The following LDLRAD3 variants were observed in gnomAD, a reference collection of about 807,000 sequenced individuals.
LDLRAD3 encodes the protein low-density lipoprotein receptor class A domain-containing protein 3.
A neutral mutation model predicts 29.4 loss-of-function variants in LDLRAD3; 20 were observed. The ratio of observed to expected loss-of-function variants is 0.68; its 90% CI spans 0.48 to 0.99. LDLRAD3 has a LOEUF of 0.99. LDLRAD3 is among the 50% of genes least tolerant of loss of function. The pLI, the probability that LDLRAD3 is intolerant of heterozygous loss-of-function variation, is 0.00. For synonymous variants in LDLRAD3, 157 were observed against 192.7 expected, an observed-to-expected ratio of 0.81 and a Z score of 1.53; for missense variants, 420 against 454.3, an observed-to-expected ratio of 0.92 and a Z score of 0.69.
At position 36,230,971 on chromosome 11, in the gene LDLRAD3, G is replaced by GTTTTTCTTTTTTT. The variant is rs1198671764; in HGVS notation, c.*1575_*1576insTTTTCTTTTTTTT. 6 of 152,196 alleles carry GTTTTTCTTTTTTT rather than the reference G, an allele frequency of 3.9e-5. No homozygotes were observed. The highest frequency in any genetic ancestry group is 1.5e-4 in the African/African-American group (6 of 41,338). 9.4% of individuals were successfully genotyped at this position (152,196 alleles called of 1,614,324 possible). A position where few individuals can be genotyped will look rare whatever the true frequency, so the allele number is the denominator to read the frequency against. On this transcript the variant is annotated 3_prime_UTR_variant, in exon 6 of 6. Coordinates refer to ENST00000315571, the MANE Select transcript of LDLRAD3 (RefSeq NM_174902.4). ...GCTAGTTTTTCTTTTTTTTCTCTGT[G>GTTTTTCTTTTTTT]TCCAGTCAGCCACAGGGCCCGCCTC...
chr11:36,176,100 T>C (rs1228777291), intron 4 of LDLRAD3, among the ~76,000 whole-genome samples: 1 of 152,216 alleles, frequency 6.6e-6, no homozygotes, highest in Non-Finnish European at 1.5e-5. Context: ...TTAAAGTCTG[T>C]TTTGTCTATA....
In LDLRAD3 at chr11:36,231,454, C is replaced by T. The variant is rs1255698868; in HGVS notation, c.*2057C>T. On this transcript the variant is annotated 3_prime_UTR_variant, in exon 6 of 6. Transcript: ENST00000315571. The stretch of plus-strand genomic sequence containing the variant: ...GAACTCTGGCTGAACATTTCATCTC[C>T]TGTGAGTCAGAAGGGCTTTATTTCT... 1 of 152,164 alleles carries T rather than the reference C, an allele frequency of 6.6e-6. No individual in the cohort carries two copies. The highest frequency in any genetic ancestry group is 1.5e-5 in the Non-Finnish European group (1 of 68,030). 9.4% of individuals were successfully genotyped at this position (152,164 alleles called of 1,614,324 possible).
chr11:36,006,068 C>T (rs1038570900), intron 1 of LDLRAD3, among the ~76,000 whole-genome samples: 4 of 152,222 alleles, frequency 2.6e-5, no homozygotes, highest in African/African-American at 4.8e-5. Flanking sequence ...ACAAAAACTG[C>T]GCCCTTGCCC....
chr11:36,101,223 GTGCC>G (rs1853442294), intron 4 of LDLRAD3, among the ~76,000 whole-genome samples: 2 of 152,134 alleles, frequency 1.3e-5, no homozygotes, highest in Admixed American at 6.5e-5. Flanking sequence ...ACCCCACAAG[GTGCC>G]CACTTGTGGA....
At chr11:36,080,551 C>T (rs1231530190) in intron 2 of LDLRAD3, among the ~76,000 whole-genome samples, 2 of 152,114 alleles carry the variant, frequency 1.3e-5, no homozygotes, top group Non-Finnish European at 2.9e-5. Context: ...GCTGTGTGAC[C>T]TTGGGCAAGT....
At chr11:36,188,781 A>G (rs1027924871) in intron 4 of LDLRAD3, among the ~76,000 whole-genome samples, 2 of 152,186 alleles carry the variant, frequency 1.3e-5, no homozygotes, top group African/African-American at 2.4e-5. Flanking sequence ...GCATAAGTCA[A>G]CATAATGAAC....
intron 1 of LDLRAD3, among the ~76,000 whole-genome samples, chr11:35,995,351 A>G (rs549209470): frequency 5.9e-5 from 9 of 152,328 alleles, no homozygotes; most frequent in African/African-American, 2.2e-4. Context: ...AATATTTTGA[A>G]AGGAATCTTT....
chr11:36,083,732 A>G (rs1853151333), intron 3 of LDLRAD3, among the ~76,000 whole-genome samples: 1 of 119,728 alleles, frequency 8.4e-6, no homozygotes, highest in African/African-American at 3.4e-5. Context: ...CTAAGGGAGA[A>G]ATTACACACA....
At position 36,033,954 on chromosome 11, in the gene LDLRAD3, A is replaced by G. The variant is rs78096693; in HGVS notation, c.47-2149A>G. 5.7e-4 allele frequency among the ~76,000 whole-genome samples: 87 copies of G among 152,322 alleles called. 1 individual carries two copies. In the East Asian group the frequency reaches 0.013, roughly 22 times the overall value. On this transcript the variant is annotated intron_variant, in intron 1 of 5. Transcript: ENST00000315571. ...GCAGCAGAATAGGAGAAATAGTAGC[A>G]TAATACCTTTGCATTTCCTAACAAT...
intron 4 of LDLRAD3, among the ~76,000 whole-genome samples, chr11:36,145,644 CA>C (rs1854179982): frequency 6.6e-6 from 1 of 151,436 alleles, no homozygotes; most frequent in Non-Finnish European, 1.5e-5. Flanking sequence ...GGAGACTTTT[CA>C]TTTTGTTCTG....
intron 4 of LDLRAD3, among the ~76,000 whole-genome samples, chr11:36,134,785 G>C (rs1243387007): frequency 6.6e-6 from 1 of 152,186 alleles, no homozygotes; most frequent in Non-Finnish European, 1.5e-5. Flanking sequence ...CCCTCTTGCT[G>C]GGAAGTCTGT....
At chr11:36,053,239 T>C (rs1852554235) in intron 2 of LDLRAD3, among the ~76,000 whole-genome samples, 1 of 152,162 alleles carries the variant, frequency 6.6e-6, no homozygotes, top group Admixed American at 6.5e-5. Flanking sequence ...AGCAGCCTTT[T>C]TTTTCTTTCT....
intron 4 of LDLRAD3, among the ~76,000 whole-genome samples, chr11:36,214,257 G>A (rs1474773707): frequency 1.3e-5 from 2 of 152,150 alleles, no homozygotes; most frequent in African/African-American, 4.8e-5. Flanking sequence ...TTGACCCTTG[G>A]CAAATAAGAA....
At chr11:36,019,159 G>A (rs144708200) in intron 1 of LDLRAD3, among the ~76,000 whole-genome samples, 123 of 152,262 alleles carry the variant, frequency 8.1e-4, no homozygotes, top group African/African-American at 2.6e-3. Context: ...TGTGCAGCAC[G>A]GGGTAGATTG....
intron 1 of LDLRAD3, among the ~76,000 whole-genome samples, chr11:35,948,924 C>T (rs1565117332): frequency 6.6e-6 from 1 of 152,132 alleles, no homozygotes; most frequent in Non-Finnish European, 1.5e-5. Flanking sequence ...CAAATGCCTC[C>T]CGACATTGCC....
At chr11:36,057,628 C>G (rs1324029165) in intron 2 of LDLRAD3, among the ~76,000 whole-genome samples, 1 of 152,196 alleles carries the variant, frequency 6.6e-6, no homozygotes, top group South Asian at 2.1e-4. Context: ...TTCGTCTTCT[C>G]TCCTTTGTTT....
At chr11:36,191,570 CTCTCTCTA>C (rs1157129686) in intron 4 of LDLRAD3, among the ~76,000 whole-genome samples, 17 of 78,316 alleles carry the variant, frequency 2.2e-4, no homozygotes, top group African/African-American at 1.0e-3. Context: ...CTCTCTCTCT[CTCTCTCTA>C]TATATATATA....
At chr11:36,183,186 C>T (rs1168502125) in intron 4 of LDLRAD3, among the ~76,000 whole-genome samples, 1 of 152,176 alleles carries the variant, frequency 6.6e-6, no homozygotes, top group African/African-American at 2.4e-5. Flanking sequence ...CCTAGACACA[C>T]GGTGTTAGTT....
At chr11:35,974,232 T>C (rs1257509291) in intron 1 of LDLRAD3, among the ~76,000 whole-genome samples, 1 of 152,236 alleles carries the variant, frequency 6.6e-6, no homozygotes, top group Non-Finnish European at 1.5e-5. Context: ...TTTTGATGTA[T>C]TTTTCTATTT....
Sources: allele counts gnomAD v4.1 joint callset (sites outside exome capture counted in the v4.1 genomes callset), GRCh38; gene constraint gnomAD v4.1.1; transcripts MANE v1.5; gene names NCBI Gene and HGNC (gene_info 2026-07-23, HGNC 2026-07-21).